SPECC1: variants seen among roughly 807,000 people sequenced by gnomAD.
The protein encoded by SPECC1 is cytospin-B.
A neutral mutation model predicts 104.1 loss-of-function variants in SPECC1; 62 were observed. The ratio of observed to expected loss-of-function variants is 0.60; its 90% confidence interval spans 0.49 to 0.74. SPECC1 has a LOEUF of 0.74. Ranked by LOEUF, SPECC1 falls within the 30% of genes least tolerant of loss-of-function variation. The pLI, the probability that SPECC1 is intolerant of heterozygous loss-of-function variation, is 0.00. For synonymous variants in SPECC1, 513 were observed against 501.6 expected (o/e 1.02, Z -0.30); for missense variants, 1,306 against 1,310.5 (o/e 1.00, Z 0.05).
At chr17:20,015,845 A>G (rs1049522745) in intron 1 of SPECC1, among the ~76,000 whole-genome samples, 13 of 147,424 alleles carry the variant, frequency 8.8e-5, no homozygotes, top group African/African-American at 3.2e-4. Context: ...CGGCCTCCCA[A>G]AGTGCTGGGG....
chr17:20,241,684 T>C (rs2039210443), intron 7 of SPECC1, among the ~76,000 whole-genome samples: 1 of 143,630 alleles, frequency 7.0e-6, no homozygotes, highest in Non-Finnish European at 1.5e-5. Context: ...AATTACTTTC[T>C]TATCCTGTTT....
At chr17:20,233,492 G>A (rs1244667859) in intron 7 of SPECC1, among the ~76,000 whole-genome samples, 1 of 152,150 alleles carries the variant, frequency 6.6e-6, no homozygotes, top group African/African-American at 2.4e-5. Context: ...GATATAGCTA[G>A]CTCCACAATT....
At chr17:20,022,042 T>C (rs1006659363) in intron 1 of SPECC1, among the ~76,000 whole-genome samples, 2 of 151,926 alleles carry the variant, frequency 1.3e-5, no homozygotes, top group African/African-American at 4.8e-5. Context: ...CCTGGGTTCA[T>C]GCCATTCTCC....
intron 3 of SPECC1, among the ~76,000 whole-genome samples, chr17:20,188,723 CA>C (rs1567917690): frequency 6.6e-6 from 1 of 152,102 alleles, no homozygotes; most frequent in Non-Finnish European, 1.5e-5. Context: ...AAAGTGCTTA[CA>C]AAACCAAAGT....
chr17:20,270,115 A>G (rs985668561), intron 12 of SPECC1, among the ~76,000 whole-genome samples: 1 of 152,074 alleles, frequency 6.6e-6, no homozygotes, highest in African/African-American at 2.4e-5. Context: ...AGAGAGGGCA[A>G]TAGGGACTGG....
chr17:20,015,584 A>ATTTTTTTTTTTTTTTTTTTTTTTTTTTTT, intron 1 of SPECC1, among the ~76,000 whole-genome samples: 1 of 102,072 alleles, frequency 9.8e-6, no homozygotes, highest in Non-Finnish European at 2.0e-5. Flanking sequence ...CCGGGTCTCT[A>ATTTTTTTTTTTTTTTTTTTTTTTTTTTTT]TTTTTTTTTT....
intron 1 of SPECC1, among the ~76,000 whole-genome samples, chr17:20,037,724 T>G (rs2152449810): frequency 6.6e-6 from 1 of 152,140 alleles, no homozygotes; most frequent in East Asian, 1.9e-4. Context: ...GATATTTGCT[T>G]CTTGAGAGTT....
chr17:20,218,491 G>A (rs909451105), intron 4 of SPECC1, among the ~76,000 whole-genome samples: 7 of 152,060 alleles, frequency 4.6e-5, no homozygotes, highest in Admixed American at 2.0e-4. Context: ...AGAGTCTCAC[G>A]CCTTTATAAT....
chr17:20,237,283 T>TG lies in SPECC1; in HGVS notation c.2351+4878_2351+4879insG, dbSNP rs2038971850. The TG allele has an allele frequency of 2.7e-6, 3 of 1,103,480 alleles. No individual in the cohort carries two copies. The African/African-American group carries it at 4.9e-5, about 18-fold the overall frequency. 68.4% of individuals were successfully genotyped at this position (1,103,480 alleles called of 1,614,324 possible). ...CAGCGCAGGCCCGAGTTCTTTTGTT[T>TG]TTTGTTGTTGTTGTTGTTGTTGTTT... On this transcript the variant is annotated intron_variant, in intron 7 of 14. Coordinates refer to ENST00000395527, the MANE Select transcript of SPECC1 (RefSeq NM_001243439.2).
At chr17:20,201,585 G>C (rs2036437974) in intron 3 of SPECC1, among the ~76,000 whole-genome samples, 1 of 152,212 alleles carries the variant, frequency 6.6e-6, no homozygotes, top group South Asian at 2.1e-4. Context: ...AGGTTTGCCT[G>C]TTCTGACTAG....
chr17:20,053,379 A>G (rs902644381), intron 1 of SPECC1, among the ~76,000 whole-genome samples: 3 of 152,156 alleles, frequency 2.0e-5, no homozygotes, highest in Non-Finnish European at 4.4e-5. Flanking sequence ...CATTAATTGA[A>G]CCCCCTATCC....
intron 3 of SPECC1, among the ~76,000 whole-genome samples, chr17:20,121,721 G>A (rs2152537048): frequency 6.6e-6 from 1 of 152,260 alleles, no homozygotes; most frequent in South Asian, 2.1e-4. Flanking sequence ...AGAATGAGGA[G>A]GTTCCTTGTG....
intron 1 of SPECC1, among the ~76,000 whole-genome samples, chr17:20,068,231 G>A (rs1396097612): frequency 6.6e-6 from 1 of 152,190 alleles, no homozygotes; most frequent in African/African-American, 2.4e-5. Context: ...AAAGTGCTGG[G>A]ATTATAGGTA....
At chr17:20,068,067 G>A (rs2046421701) in intron 1 of SPECC1, among the ~76,000 whole-genome samples, 1 of 151,942 alleles carries the variant, frequency 6.6e-6, no homozygotes, top group Non-Finnish European at 1.5e-5. Context: ...TGCAACCTCT[G>A]CCATCCTCCC....
At chr17:20,089,040 C>G (rs1459021340) in intron 1 of SPECC1, among the ~76,000 whole-genome samples, 1 of 152,162 alleles carries the variant, frequency 6.6e-6, no homozygotes. Context: ...ATGAGTTTGC[C>G]TTGTTTATAA....
At position 20,165,545 on chromosome 17, in the gene SPECC1, T is replaced by G. The variant is rs149036641; in HGVS notation, c.284-38788T>G. ...AGGTACATGTATCTTTATAACAGAA[T>G]GATTTATATTCCTTTGGGTATATAT... On this transcript the variant is annotated intron_variant, in intron 3 of 14. Transcript: ENST00000395527. Among the ~76,000 whole-genome samples, 72 of 152,366 alleles carry G rather than the reference T, an allele frequency of 4.7e-4. 1 individual carries two copies. The East Asian group carries it at 0.01, about 22-fold the overall frequency.
chr17:20,139,423 C>G (rs1377133887), intron 3 of SPECC1, among the ~76,000 whole-genome samples: 2 of 152,170 alleles, frequency 1.3e-5, no homozygotes, highest in Non-Finnish European at 2.9e-5. Context: ...GCTAGGGATG[C>G]AGCAGTTAAC....
chr17:20,303,702 C>T (rs2041666112), intron 13 of SPECC1, among the ~76,000 whole-genome samples: 1 of 152,136 alleles, frequency 6.6e-6, no homozygotes, highest in African/African-American at 2.4e-5. Context: ...TCTGTAATCC[C>T]AGCAGTTCGG....
At chr17:20,228,655 A>G (rs1231437995) in intron 5 of SPECC1, among the ~76,000 whole-genome samples, 1 of 152,192 alleles carries the variant, frequency 6.6e-6, no homozygotes, top group Admixed American at 6.5e-5. Context: ...CAATTCCCGC[A>G]TGTGTCCCAT....
Sources: gnomAD v4.1 joint callset for allele counts (sites outside exome capture counted in the v4.1 genomes callset) on GRCh38, gnomAD v4.1.1 for gene constraint, MANE v1.5 for transcripts, NCBI Gene and HGNC (gene_info 2026-07-23, HGNC 2026-07-21) for gene names.